The following ACCSL variants were observed in gnomAD, a reference collection of about 807,000 sequenced individuals.
ACCSL encodes the protein probable inactive 1-aminocyclopropane-1-carboxylate synthase-like protein 2.
ACCSL carries 55 observed loss-of-function variants against 61.7 expected under a neutral mutation model. The observed-to-expected ratio is 0.89, with a 90% CI of 0.72 to 1.12. The LOEUF is 1.12. Among genes scored for constraint, ACCSL ranks in the 50% most tolerant of loss-of-function variants. The probability of loss-of-function intolerance (pLI) is 0.00; values close to 1 mark genes in which losing one functional copy is unlikely to be tolerated. For missense variants in ACCSL, 632 were observed against 698.0 expected (o/e 0.91, Z 1.07); for synonymous variants, 258 against 264.3 (o/e 0.98, Z 0.23).
chr11:44,013,464 G>A, the ACCSL span, among the ~76,000 whole-genome samples: 1 of 152,026 alleles, frequency 6.6e-6, no homozygotes, highest in East Asian at 1.9e-4. Context: ...ACTTTTAGTA[G>A]AGATGGGGGG....
At chr11:43,982,968 G>A in the ACCSL span, among the ~76,000 whole-genome samples, 1 of 152,220 alleles carries the variant, frequency 6.6e-6, no homozygotes, top group East Asian at 1.9e-4. Flanking sequence ...GCAAGGGCAG[G>A]CCTCCAGCCC....
chr11:44,017,315 C>T, the ACCSL span, among the ~76,000 whole-genome samples: 1 of 152,184 alleles, frequency 6.6e-6, no homozygotes, highest in Non-Finnish European at 1.5e-5. Context: ...AGTCAGGGCT[C>T]ACACATACAG....
At chr11:44,013,221 G>A in the ACCSL span, among the ~76,000 whole-genome samples, 71 of 152,340 alleles carry the variant, frequency 4.7e-4, no homozygotes, top group Non-Finnish European at 8.5e-4. Context: ...AGGCATAAAT[G>A]GATCTGCTTA....
the ACCSL span, among the ~76,000 whole-genome samples, chr11:43,949,462 T>G: frequency 1.3e-5 from 2 of 152,200 alleles, no homozygotes; most frequent in African/African-American, 4.8e-5. Context: ...AGCTGGGAAC[T>G]ATGTCAGGCA....
the ACCSL span, among the ~76,000 whole-genome samples, chr11:43,936,685 C>T: frequency 1.3e-5 from 2 of 152,130 alleles, no homozygotes; most frequent in African/African-American, 4.8e-5. Flanking sequence ...TTCTCCTTAC[C>T]TGATGGTGGC....
the ACCSL span, among the ~76,000 whole-genome samples, chr11:44,000,212 CCT>C: frequency 6.6e-6 from 1 of 152,140 alleles, no homozygotes; most frequent in African/African-American, 2.4e-5. Flanking sequence ...GCAACCTCCG[CCT>C]CCCGGGTGCA....
At chr11:44,052,795 A>G in intron 6 of ACCSL, 36 bp downstream of exon 6, 1 of 1,583,896 alleles carries the variant, frequency 6.3e-7, no homozygotes, top group Non-Finnish European at 8.7e-7. Flanking sequence ...CAGTATGCCT[A>G]GACAATGGAC....
intron 11 of ACCSL, among the ~76,000 whole-genome samples, chr11:44,056,571 G>A (rs1048919344): frequency 6.6e-6 from 1 of 152,184 alleles, no homozygotes; most frequent in Non-Finnish European, 1.5e-5. Context: ...GGTGGCTCAC[G>A]CCTGTAATCC....
the ACCSL span, among the ~76,000 whole-genome samples, chr11:43,973,438 C>G: frequency 0.069 from 10,515 of 151,804 alleles, 396 homozygotes; most frequent in South Asian, 0.1. Context: ...ATCTATCTAT[C>G]TATCTATCTA....
the ACCSL span, among the ~76,000 whole-genome samples, chr11:43,922,903 A>C: frequency 2.0e-5 from 3 of 152,228 alleles, no homozygotes; most frequent in Admixed American, 1.3e-4. Flanking sequence ...ACTTGCTTCA[A>C]ACATGGGTTG....
the ACCSL span, among the ~76,000 whole-genome samples, chr11:44,016,922 C>T: frequency 6.6e-6 from 1 of 152,088 alleles, no homozygotes; most frequent in Non-Finnish European, 1.5e-5. Flanking sequence ...TTATAGAGAC[C>T]CCTCCAGCAC....
At position 44,058,424 on chromosome 11, in the gene ACCSL, A is replaced by C. The variant is rs536035589; in HGVS notation, c.1435A>C (p.Ser479Arg). 1.2e-6 allele frequency: 2 copies of C among 1,614,156 alleles called. No homozygotes were observed. The highest frequency in any genetic ancestry group is 1.1e-5 in the South Asian group (1 of 91,076). The change falls in exon 12 of 14, where the codon AGC becomes CGC. Residue 479 changes from serine to arginine, a missense_variant. By Grantham distance (110) the Ser-to-Arg change is moderately radical. Transcript: ENST00000378832. The stretch of plus-strand genomic sequence containing the variant: ...ATTGGAGATCCCTTTTCACAACCGC[A>C]GCTCTGGCCTCTATGTCTGGATCAA... ...KALEIPFHNR[S>R]SGLYVWINLK...
chr11:44,034,558 CAA>C, the ACCSL span, among the ~76,000 whole-genome samples: 4 of 43,924 alleles, frequency 9.1e-5, no homozygotes, highest in African/African-American at 3.4e-4. Flanking sequence ...TGGTGGCAAG[CAA>C]GAGAGAGAGA....
the ACCSL span, among the ~76,000 whole-genome samples, chr11:43,929,173 T>C: frequency 3.3e-5 from 5 of 152,296 alleles, no homozygotes; most frequent in East Asian, 5.8e-4. Flanking sequence ...TATGAAATAG[T>C]GTGTGAATGC....
At chr11:43,927,307 A>C in the ACCSL span, among the ~76,000 whole-genome samples, 1 of 152,188 alleles carries the variant, frequency 6.6e-6, no homozygotes, top group Non-Finnish European at 1.5e-5. Flanking sequence ...GATATTAGTA[A>C]CCCTTTTGTT....
chr11:43,942,633 G>T, the ACCSL span: 2 of 288,188 alleles, frequency 6.9e-6, no homozygotes, highest in Non-Finnish European at 1.4e-5. Context: ...GGCCGCCGCG[G>T]GGCAGACGGC....
At chr11:43,942,073 T>TGTGTGTGC in the ACCSL span, among the ~76,000 whole-genome samples, 1 of 136,580 alleles carries the variant, frequency 7.3e-6, no homozygotes, top group African/African-American at 2.9e-5. Context: ...TGTGTGTGTG[T>TGTGTGTGC]GTGCGCGCGC....
chr11:43,975,916 CTTAA>C, the ACCSL span, among the ~76,000 whole-genome samples: 3 of 152,064 alleles, frequency 2.0e-5, no homozygotes, highest in African/African-American at 7.2e-5. Flanking sequence ...CAGTCTGGAT[CTTAA>C]TTAATTAATT....
At chr11:43,960,706 A>C in the ACCSL span, among the ~76,000 whole-genome samples, 2 of 152,132 alleles carry the variant, frequency 1.3e-5, no homozygotes, top group Admixed American at 1.3e-4. Flanking sequence ...GCTTTAAAGC[A>C]ATACTGCAGT....
Sources: gnomAD v4.1 joint callset for allele counts (sites outside exome capture counted in the v4.1 genomes callset) on GRCh38, gnomAD v4.1.1 for gene constraint, MANE v1.5 for transcripts, NCBI Gene and HGNC (gene_info 2026-07-23, HGNC 2026-07-21) for gene names.